Variants in PTPRN2 observed in about 807,000 individuals in gnomAD.
PTPRN2 encodes the protein protein tyrosine phosphatase receptor type N2.
A neutral mutation model predicts 118.8 loss-of-function variants in PTPRN2; 74 were observed. The observed-to-expected ratio is 0.62, with a 90% CI of 0.52 to 0.76. PTPRN2 has a LOEUF of 0.76. PTPRN2 is among the 30% of genes least tolerant of loss of function. The probability of loss-of-function intolerance (pLI) is 0.00; values close to 1 mark genes in which losing one functional copy is unlikely to be tolerated. For missense variants in PTPRN2, 1,481 were observed against 1,394.4 expected (o/e 1.06, Z -0.99); for synonymous variants, 641 against 608.0 (o/e 1.05, Z -0.80).
intron 2 of PTPRN2, among the ~76,000 whole-genome samples, chr7:158,334,127 C>A (rs1416362796): frequency 2.7e-5 from 1 of 36,544 alleles, no homozygotes; most frequent in Non-Finnish European, 5.6e-5. Flanking sequence ...CACACCCACA[C>A]TCTCACCATA....
intron 12 of PTPRN2, among the ~76,000 whole-genome samples, chr7:157,833,591 C>G (rs1321897165): frequency 6.6e-6 from 1 of 152,042 alleles, no homozygotes; most frequent in Non-Finnish European, 1.5e-5. Flanking sequence ...TGATTGTAAA[C>G]TCGTTCAGGA....
rs1322699783 is a variant in PTPRN2, at chr7:157,550,237, G to A, written c.2903-1218C>T. ...TCATGGGGTGGCAACTGTGAAGCCA[G>A]TGGGGGCTCAGGCTCCAGGAGGATC... On this transcript the variant is annotated intron_variant, in intron 21 of 22. Coordinates refer to ENST00000389418, the MANE Select transcript of PTPRN2 (RefSeq NM_002847.5). This position sits in a 1 kb window ranked among gnomAD's most constrained non-coding sequence, Gnocchi z 5.2. Among the ~76,000 whole-genome samples, 1 of 152,232 alleles carries A rather than the reference G, an allele frequency of 6.6e-6. No homozygotes were observed. The highest frequency in any genetic ancestry group is 6.5e-5 in the Admixed American group (1 of 15,292).
At chr7:157,771,227 C>A (rs1322672190) in intron 12 of PTPRN2, among the ~76,000 whole-genome samples, 2 of 152,240 alleles carry the variant, frequency 1.3e-5, no homozygotes, top group East Asian at 3.9e-4. Flanking sequence ...AGCCCTCCAG[C>A]CCCCTTGGAC....
rs763876350 is a variant in PTPRN2, at chr7:158,280,569, G to A, written c.277+36250C>T. ...CCTTTCATAGCAGCCCTGAGATACC[G>A]GGTGGAGAGGGCAGATGGAGAGAGA... On this transcript the variant is annotated intron_variant, in intron 3 of 22. Transcript: ENST00000389418. 7.9e-5 allele frequency among the ~76,000 whole-genome samples: 12 copies of A among 152,324 alleles called. No homozygotes were observed. The South Asian group carries it at 8.3e-4, about 11-fold the overall frequency.
chr7:158,294,938 A>G (rs1423597083), intron 3 of PTPRN2, among the ~76,000 whole-genome samples: 1 of 133,928 alleles, frequency 7.5e-6, no homozygotes, highest in Non-Finnish European at 1.5e-5. Flanking sequence ...CGCGTGGTTC[A>G]CCCACCTTTC....
chr7:157,937,995 C>A lies in PTPRN2; in HGVS notation c.1724-39258G>T, dbSNP rs375031498. On this transcript the variant is annotated intron_variant, in intron 11 of 22. Transcript: ENST00000389418. ...AAGCTGGAAATTAGAAGCAATGTGG[C>A]ATGCGGAGCCACTCAGATCTGAAGC... is the stretch of plus-strand genomic sequence containing the variant. 1.5e-3 allele frequency among the ~76,000 whole-genome samples: 227 copies of A among 152,302 alleles called. 3 individuals carry two copies. The highest frequency in any genetic ancestry group is 5.1e-3 in the African/African-American group (211 of 41,562).
chr7:158,048,505 C>T (rs926062798), intron 11 of PTPRN2, among the ~76,000 whole-genome samples: 1 of 152,036 alleles, frequency 6.6e-6, no homozygotes, highest in African/African-American at 2.4e-5. Context: ...TTACTATTGC[C>T]ATCATCACCA....
rs1354380847 is a variant in PTPRN2, at chr7:158,167,132, C to T, written c.709G>A (p.Val237Met). 6.2e-7 allele frequency: 1 copy of T among 1,613,986 alleles called. No homozygotes were observed. The highest frequency in any genetic ancestry group is 1.7e-5 in the Admixed American group (1 of 60,014). Residue 237 changes from valine to methionine, a missense_variant, in exon 6 of 23, where the codon GTG (valine) becomes ATG (methionine). Physicochemically the swap from Val to Met is conservative, Grantham distance 21. This residue lies in a region of PTPRN2 where 1,115 missense variants were observed against 994.2 expected (regional missense o/e 1.12). Coordinates refer to ENST00000389418, the MANE Select transcript of PTPRN2 (RefSeq NM_002847.5). The part of the protein sequence containing the change: ...DELSPKVDSG[V>M]DRHHLMAALS... Reference sequence around the variant, plus strand: ...GCCGCCATCAGATGGTGTCTGTCCACACCACTGTCCACCTTAGGGCTGAGC... The same window carrying T: ...GCCGCCATCAGATGGTGTCTGTCCATACCACTGTCCACCTTAGGGCTGAGC...
At chr7:158,457,403 G>A (rs182565327) in intron 2 of PTPRN2, among the ~76,000 whole-genome samples, 254 of 152,322 alleles carry the variant, frequency 1.7e-3, no homozygotes, top group African/African-American at 5.8e-3. Flanking sequence ...TTGATAAGCA[G>A]ACACCACTAG....
intron 12 of PTPRN2, among the ~76,000 whole-genome samples, chr7:157,821,350 C>T (rs1563143813): frequency 6.6e-6 from 1 of 152,208 alleles, no homozygotes. Flanking sequence ...TCAATTCACT[C>T]CATGGCTGCC....
intron 2 of PTPRN2, among the ~76,000 whole-genome samples, chr7:158,473,390 G>A (rs1377893588): frequency 5.3e-5 from 8 of 152,148 alleles, no homozygotes; most frequent in African/African-American, 7.2e-5. Flanking sequence ...GAGCTGTTTC[G>A]GGAGGCTACA....
chr7:157,585,503 C>T lies in PTPRN2; in HGVS notation c.2497-7363G>A, dbSNP rs532492093. 9.2e-5 allele frequency among the ~76,000 whole-genome samples: 14 copies of T among 152,276 alleles called. No homozygotes were observed. In the East Asian group the frequency reaches 2.1e-3, roughly 23 times the overall value. On this transcript the variant is annotated intron_variant, in intron 17 of 22. Transcript: ENST00000389418. This position sits in a 1 kb window ranked among gnomAD's most constrained non-coding sequence, Gnocchi z 5.2. ...TCACACACTGGACTTCCTCTCCACC[C>T]GGCCTTTGTGTGACCACCGTGGGTG... is the stretch of plus-strand genomic sequence containing the variant.
chr7:158,247,209 A>G (rs956039692), intron 3 of PTPRN2, among the ~76,000 whole-genome samples: 1 of 152,192 alleles, frequency 6.6e-6, no homozygotes, highest in African/African-American at 2.4e-5. Context: ...CAGCATGGCC[A>G]GGAGCACCGA....
chr7:158,215,524 A>C (rs1827894472), intron 3 of PTPRN2, among the ~76,000 whole-genome samples: 2 of 152,248 alleles, frequency 1.3e-5, no homozygotes, highest in South Asian at 4.1e-4. Context: ...TAAGAAGCTA[A>C]GCATACCCCA....
intron 12 of PTPRN2, among the ~76,000 whole-genome samples, chr7:157,771,100 A>G (rs1244065487): frequency 6.6e-6 from 1 of 152,256 alleles, no homozygotes; most frequent in Non-Finnish European, 1.5e-5. Context: ...AGGAAGCCCA[A>G]GCAGCCTTGT....
At chr7:158,363,071 G>A (rs868786716) in intron 2 of PTPRN2, among the ~76,000 whole-genome samples, 15 of 152,040 alleles carry the variant, frequency 9.9e-5, no homozygotes, top group African/African-American at 3.4e-4. Context: ...GTCATGAGCC[G>A]AGGGGGACAG....
In PTPRN2 at chr7:157,712,712, T is replaced by C. The variant is rs1285440713; in HGVS notation, c.1789-29775A>G. ...GTTGCGGCTACCCAAGATTGCGCCA[T>C]TGCACTCCAGCCTGGGCTGTGAGAG... On this transcript the variant is annotated intron_variant, in intron 12 of 22. Coordinates refer to ENST00000389418, the MANE Select transcript of PTPRN2 (RefSeq NM_002847.5). 2.8e-5 allele frequency among the ~76,000 whole-genome samples: 4 copies of C among 141,636 alleles called. No individual in the cohort carries two copies. In the South Asian group the frequency reaches 8.7e-4, roughly 31 times the overall value. The allele number at this position is 141,636 out of a possible 152,430, so 92.9% of individuals were successfully genotyped here.
At chr7:158,155,891 G>A (rs1397457328) in intron 6 of PTPRN2, among the ~76,000 whole-genome samples, 6 of 151,754 alleles carry the variant, frequency 4.0e-5, no homozygotes, top group Non-Finnish European at 7.4e-5. Context: ...TTTAATTGCT[G>A]GGGTCCAAAA....
chr7:158,442,528 G>A (rs1177589533), intron 2 of PTPRN2, among the ~76,000 whole-genome samples: 2 of 152,154 alleles, frequency 1.3e-5, no homozygotes, highest in African/African-American at 4.8e-5. Context: ...CAGCATTCAG[G>A]AGTAAGAGAT....
Sources: gnomAD v4.1 joint callset for allele counts (sites outside exome capture counted in the v4.1 genomes callset) on GRCh38, gnomAD v4.1.1 for gene constraint, gnomAD v4.1.1 regional missense constraint, Gnocchi (gnomAD v3.1) non-coding constraint, MANE v1.5 for transcripts, NCBI Gene and HGNC (gene_info 2026-07-23, HGNC 2026-07-21) for gene names.